The following KMT5B variants were observed in gnomAD, a reference collection of about 807,000 sequenced individuals.
KMT5B encodes lysine methyltransferase 5B, also known as histone-lysine N-methyltransferase KMT5B.
A neutral mutation model predicts 83.2 loss-of-function variants in KMT5B; 10 were observed. The observed-to-expected ratio is 0.12, with a 90% CI of 0.07 to 0.20. KMT5B has a LOEUF of 0.20. Among genes scored for constraint, KMT5B ranks in the 10% least tolerant of loss-of-function variants. The pLI is 1.00. For missense variants in KMT5B, 753 were observed against 1,067.2 expected, an observed-to-expected ratio of 0.71 and a Z score of 4.10; for synonymous variants, 349 against 388.8, an observed-to-expected ratio of 0.90 and a Z score of 1.20.
intron 5 of KMT5B, 176 bp from the exon 6 acceptor site, chr11:68,174,089 T>A: frequency 1.5e-6 from 1 of 659,022 alleles, no homozygotes; most frequent in South Asian, 1.5e-5. Context: ...GGCATGTACC[T>A]TTAGTGCCAG....
Position 68,158,831 on chromosome 11 carries a change from G to A in KMT5B, c.1515C>T (p.Ala505=), listed in dbSNP as rs1859504730. ...CCGCGTGTCTAGTCAAGCACCCGCT[G>A]GCAACTGCGGCTTGGGCTGGTCCCT... The part of the protein sequence containing the change: ...EPEGPAQAAV[A]SGCLTRHAAR... Residue 505 remains alanine (A), a synonymous_variant, in exon 11 of 11, where the codon GCC becomes GCT. Transcript: ENST00000304363. The A allele has an allele frequency of 6.2e-7, 1 of 1,614,116 alleles. No homozygotes were observed. Among genetic ancestry groups the A allele is most frequent in the Non-Finnish European group, 8.5e-7 (1 of 1,180,034 alleles).
Position 68,186,061 on chromosome 11 carries a change from T to C in KMT5B, c.161-133A>G, listed in dbSNP as rs918461145. Reference sequence around the variant, plus strand: ...AATCAATCATTTTAGTAATTAAGAATTTAATAACCTTTGCATAAGACAGAA... The same window carrying C: ...AATCAATCATTTTAGTAATTAAGAACTTAATAACCTTTGCATAAGACAGAA... On this transcript the variant is annotated intron_variant, in intron 2 of 10. Coordinates refer to ENST00000304363, the MANE Select transcript of KMT5B (RefSeq NM_017635.5). 2.4e-5 allele frequency: 18 copies of C among 764,052 alleles called. No individual in the cohort carries two copies. In the African/African-American group the frequency reaches 3.0e-4, roughly 13 times the overall value. 47.3% of individuals were successfully genotyped at this position (764,052 alleles called of 1,614,324 possible). A position where few individuals can be genotyped will look rare whatever the true frequency, so the allele number is the denominator to read the frequency against.
Position 68,190,262 on chromosome 11 carries a change from T to C in KMT5B, c.-76-110A>G, listed in dbSNP as rs953211921. Reference sequence around the variant, plus strand: ...TATATAATATTAAAAGGACAGTCATTCACAGTATAATGATGTTTTGGTCAA... The same window carrying C: ...TATATAATATTAAAAGGACAGTCATCCACAGTATAATGATGTTTTGGTCAA... On this transcript the variant is annotated intron_variant, in intron 1 of 10. Transcript: ENST00000304363. 7.8e-5 allele frequency: 46 copies of C among 590,598 alleles called. 1 individual carries two copies. In the South Asian group the frequency reaches 9.7e-4, roughly 12 times the overall value. The allele number at this position is 590,598 out of a possible 1,614,324, so 36.6% of individuals were successfully genotyped here. A position where few individuals can be genotyped will look rare whatever the true frequency, so the allele number is the denominator to read the frequency against.
chr11:68,161,540 C>T (rs1451119790), intron 10 of KMT5B, among the ~76,000 whole-genome samples: 1 of 151,542 alleles, frequency 6.6e-6, no homozygotes. Context: ...CAGCAATCCC[C>T]GCCATCTGGA....
intron 1 of KMT5B, among the ~76,000 whole-genome samples, chr11:68,205,365 C>A (rs573570652): frequency 6.6e-6 from 1 of 152,182 alleles, no homozygotes; most frequent in Admixed American, 6.5e-5. Context: ...TATCCTTCAA[C>A]TGAAGGTATA....
intron 2 of KMT5B, among the ~76,000 whole-genome samples, chr11:68,186,257 T>C (rs1857428939): frequency 1.3e-5 from 2 of 152,060 alleles, no homozygotes; most frequent in Non-Finnish European, 2.9e-5. Context: ...GGGAGCATGT[T>C]CACTATTTTA....
At chr11:68,198,817 CT>C (rs2153081512) in intron 1 of KMT5B, among the ~76,000 whole-genome samples, 1 of 152,294 alleles carries the variant, frequency 6.6e-6, no homozygotes, top group East Asian at 1.9e-4. Context: ...GCAACCTCCG[CT>C]TCCCGGGTTC....
At chr11:68,161,350 T>A (rs1420766197) in intron 10 of KMT5B, among the ~76,000 whole-genome samples, 1 of 152,186 alleles carries the variant, frequency 6.6e-6, no homozygotes, top group Admixed American at 6.5e-5. Context: ...TGGCTTCCCT[T>A]TGCTTGGCTC....
At chr11:68,208,738 C>A (rs1227598781) in intron 1 of KMT5B, among the ~76,000 whole-genome samples, 1 of 152,090 alleles carries the variant, frequency 6.6e-6, no homozygotes, top group Non-Finnish European at 1.5e-5. Flanking sequence ...ATAATCCCAG[C>A]ACTTTGGGAG....
chr11:68,199,286 T>G (rs1859116951), intron 1 of KMT5B, among the ~76,000 whole-genome samples: 1 of 152,144 alleles, frequency 6.6e-6, no homozygotes, highest in African/African-American at 2.4e-5. Context: ...CGAATGAATG[T>G]CGGCACCTTT....
intron 10 of KMT5B, among the ~76,000 whole-genome samples, chr11:68,162,544 A>C (rs931520665): frequency 1.3e-5 from 2 of 152,070 alleles, no homozygotes; most frequent in African/African-American, 2.4e-5. Flanking sequence ...AGCACCCAAG[A>C]AGCTCCTTCC....
intron 5 of KMT5B, chr11:68,174,323 C>T: frequency 5.9e-6 from 2 of 337,928 alleles, no homozygotes; most frequent in South Asian, 2.2e-5. Flanking sequence ...ATTTGCATTA[C>T]AGTAACTAGC....
chr11:68,193,372 A>G (rs979702785), intron 1 of KMT5B, among the ~76,000 whole-genome samples: 1 of 152,244 alleles, frequency 6.6e-6, no homozygotes, highest in African/African-American at 2.4e-5. Flanking sequence ...ATGCCTGGAC[A>G]TACCTTTAAT....
chr11:68,174,513 T>C (rs936267404), intron 5 of KMT5B, among the ~76,000 whole-genome samples: 22 of 152,114 alleles, frequency 1.4e-4, no homozygotes, highest in African/African-American at 5.1e-4. Flanking sequence ...TTCACCTCTA[T>C]ATGACAAAGT....
chr11:68,209,872 T>G (rs1860655435), intron 1 of KMT5B, among the ~76,000 whole-genome samples: 2 of 151,770 alleles, frequency 1.3e-5, no homozygotes, highest in Non-Finnish European at 2.9e-5. Context: ...TCCCCCTTTT[T>G]TTTTTTTTTT....
intron 1 of KMT5B, among the ~76,000 whole-genome samples, chr11:68,205,188 C>T (rs1290002485): frequency 6.6e-6 from 1 of 151,726 alleles, no homozygotes; most frequent in Non-Finnish European, 1.5e-5. Flanking sequence ...TGTGCTGCTG[C>T]GCAACTTCAG....
intron 1 of KMT5B, among the ~76,000 whole-genome samples, chr11:68,207,603 G>A (rs1026419502): frequency 1.7e-4 from 26 of 151,648 alleles, no homozygotes; most frequent in Non-Finnish European, 2.8e-4. Flanking sequence ...CCAGCCTGGC[G>A]AACATAGTGA....
intron 10 of KMT5B, chr11:68,166,029 G>A (rs1011505166): frequency 6.2e-7 from 1 of 1,610,266 alleles, no homozygotes; most frequent in South Asian, 1.1e-5. Context: ...CAGTATCTCA[G>A]AGGGCTCTAA....
At chr11:68,164,539 G>T in intron 10 of KMT5B, 1 of 419,852 alleles carries the variant, frequency 2.4e-6, no homozygotes, top group African/African-American at 2.0e-5. Flanking sequence ...AAATCCTTAT[G>T]TGAACATGAC....
Sources: allele counts gnomAD v4.1 joint callset (sites outside exome capture counted in the v4.1 genomes callset), GRCh38; gene constraint gnomAD v4.1.1; transcripts MANE v1.5; gene names NCBI Gene and HGNC (gene_info 2026-07-23, HGNC 2026-07-21).